The following NREP variants were observed in gnomAD, a reference collection of about 807,000 sequenced individuals.
NREP encodes neuronal regeneration-related protein.
NREP carries 5 observed loss-of-function variants against 8.6 expected under a neutral mutation model. The ratio of observed to expected loss-of-function variants is 0.58; its 90% CI spans 0.30 to 1.22. NREP has a LOEUF of 1.22. NREP is among the 50% of genes most tolerant of loss of function. NREP has a pLI of 0.07. For synonymous variants in NREP, 27 were observed against 28.0 expected (o/e 0.96, Z 0.11); for missense variants, 86 against 82.5 (o/e 1.04, Z -0.17).
At chr5:111,943,711 A>T (rs1581239012) in intron 2 of NREP, among the ~76,000 whole-genome samples, 1 of 152,182 alleles carries the variant, frequency 6.6e-6, no homozygotes, top group Non-Finnish European at 1.5e-5. Context: ...GCCCTCATGG[A>T]GCTTAGAGGG....
At chr5:111,736,355 C>T (rs185148474) in intron 2 of NREP, among the ~76,000 whole-genome samples, 19 of 152,286 alleles carry the variant, frequency 1.2e-4, no homozygotes, top group Admixed American at 1.2e-3. Context: ...AACCATCTGT[C>T]AGGGCTAATT....
At chr5:111,781,749 C>G (rs1205213162) in intron 2 of NREP, among the ~76,000 whole-genome samples, 1 of 152,092 alleles carries the variant, frequency 6.6e-6, no homozygotes, top group Non-Finnish European at 1.5e-5. Context: ...TTTCATGGCA[C>G]TTTTTAGATT....
At chr5:111,776,258 G>A (rs1418875233) in intron 2 of NREP, among the ~76,000 whole-genome samples, 1 of 152,106 alleles carries the variant, frequency 6.6e-6, no homozygotes, top group African/African-American at 2.4e-5. Flanking sequence ...ATTATTTGGA[G>A]CATATTTTGT....
chr5:111,905,719 T>A (rs1341228351), intron 2 of NREP, among the ~76,000 whole-genome samples: 5 of 152,108 alleles, frequency 3.3e-5, no homozygotes, highest in Non-Finnish European at 5.9e-5. Flanking sequence ...AAGCTAAGAG[T>A]ACTATATGCA....
intron 2 of NREP, among the ~76,000 whole-genome samples, chr5:111,782,848 C>A (rs1751524614): frequency 6.6e-6 from 1 of 151,864 alleles, no homozygotes; most frequent in Non-Finnish European, 1.5e-5. Context: ...AATTCTCATG[C>A]CTCAGTCTCC....
At chr5:111,779,561 T>C (rs1751443896) in intron 2 of NREP, among the ~76,000 whole-genome samples, 1 of 152,146 alleles carries the variant, frequency 6.6e-6, no homozygotes, top group South Asian at 2.1e-4. Flanking sequence ...AGGAGAGGCT[T>C]AGGTCAAACT....
intron 2 of NREP, among the ~76,000 whole-genome samples, chr5:111,748,379 G>A (rs1441871964): frequency 6.6e-6 from 1 of 152,144 alleles, no homozygotes; most frequent in Non-Finnish European, 1.5e-5. Flanking sequence ...TCACAGCAGT[G>A]CAGTGTCCGG....
At chr5:111,777,292 C>T (rs1476620332) in intron 2 of NREP, among the ~76,000 whole-genome samples, 1 of 151,914 alleles carries the variant, frequency 6.6e-6, no homozygotes, top group African/African-American at 2.4e-5. Context: ...ATTTAATTCT[C>T]GCAAGGAACT....
intron 2 of NREP, among the ~76,000 whole-genome samples, chr5:111,821,778 C>A (rs4957984): frequency 0.65 from 98,085 of 151,852 alleles, 32,196 homozygotes; most frequent in Non-Finnish European, 0.7. Context: ...TTGGTATTAG[C>A]AGCTCCTTAT....
At chr5:111,951,752 A>T (rs969419433) in intron 2 of NREP, among the ~76,000 whole-genome samples, 1 of 152,108 alleles carries the variant, frequency 6.6e-6, no homozygotes, top group Non-Finnish European at 1.5e-5. Flanking sequence ...GCTCACCAGC[A>T]CTTAAAATCT....
At chr5:111,890,529 A>G (rs1320111867) in intron 2 of NREP, among the ~76,000 whole-genome samples, 1 of 152,062 alleles carries the variant, frequency 6.6e-6, no homozygotes, top group Non-Finnish European at 1.5e-5. Context: ...GCCCTAATAG[A>G]GGTTCTTGTG....
intron 2 of NREP, among the ~76,000 whole-genome samples, chr5:111,809,881 G>C (rs1203379015): frequency 1.4e-5 from 2 of 147,026 alleles, no homozygotes; most frequent in East Asian, 3.9e-4. Flanking sequence ...GTGTGTGTGT[G>C]TGTGTGTGTG....
At chr5:111,779,670 A>G (rs1011991844) in intron 2 of NREP, among the ~76,000 whole-genome samples, 1 of 152,208 alleles carries the variant, frequency 6.6e-6, no homozygotes, top group Non-Finnish European at 1.5e-5. Context: ...ATATTCTTCC[A>G]GAATCTGGCT....
chr5:111,845,290 T>TA (rs1218964573), intron 2 of NREP, among the ~76,000 whole-genome samples: 5 of 145,080 alleles, frequency 3.4e-5, no homozygotes, highest in African/African-American at 4.9e-5. Flanking sequence ...TTTTTTTTTT[T>TA]AATTTCTGTG....
chr5:111,825,053 T>G (rs1041140348), intron 2 of NREP, among the ~76,000 whole-genome samples: 2 of 152,224 alleles, frequency 1.3e-5, no homozygotes, highest in African/African-American at 2.4e-5. Flanking sequence ...AGAACTGTGA[T>G]GTATTACAGC....
chr5:111,952,913 C>G (rs1756204296), intron 2 of NREP, among the ~76,000 whole-genome samples: 1 of 152,044 alleles, frequency 6.6e-6, no homozygotes, highest in Non-Finnish European at 1.5e-5. Flanking sequence ...GGACTCTTCA[C>G]TTTTTACTTG....
At chr5:111,962,653 G>A (rs1756510932) in intron 2 of NREP, among the ~76,000 whole-genome samples, 1 of 152,160 alleles carries the variant, frequency 6.6e-6, no homozygotes, top group Non-Finnish European at 1.5e-5. Flanking sequence ...TCTGAATAAT[G>A]TCTTTTTGTT....
intron 2 of NREP, among the ~76,000 whole-genome samples, chr5:111,886,945 A>G (rs1754267106): frequency 6.6e-6 from 1 of 152,064 alleles, no homozygotes; most frequent in Non-Finnish European, 1.5e-5. Context: ...CACATTGTGC[A>G]CATGTACCCT....
intron 2 of NREP, among the ~76,000 whole-genome samples, chr5:111,858,629 A>G: frequency 6.6e-6 from 1 of 152,160 alleles, no homozygotes; most frequent in Non-Finnish European, 1.5e-5. Context: ...CTGCCTAGGC[A>G]AGAGATTGAG....
Sources: allele counts gnomAD v4.1 joint callset (sites outside exome capture counted in the v4.1 genomes callset), GRCh38; gene constraint gnomAD v4.1.1; transcripts MANE v1.5; gene names NCBI Gene and HGNC (gene_info 2026-07-23, HGNC 2026-07-21).